OTUD5: variants seen among roughly 807,000 people sequenced by gnomAD.
The protein encoded by OTUD5 is OTU deubiquitinase 5.
OTUD5 carries 2 observed loss-of-function variants against 36.3 expected under a neutral mutation model. The observed-to-expected ratio is 0.06, with a 90% CI of 0.02 to 0.17. OTUD5 has a LOEUF of 0.17. OTUD5 is among the 10% of genes least tolerant of loss of function. The pLI is 1.00. For synonymous variants in OTUD5, 234 were observed against 214.9 expected, an observed-to-expected ratio of 1.09 and a Z score of -0.78; for missense variants, 233 against 512.3, an observed-to-expected ratio of 0.45 and a Z score of 5.26.
chrX:48,954,882 G>A (rs1246030676), intron 1 of OTUD5, among the ~76,000 whole-genome samples: 1 of 112,282 alleles, frequency 8.9e-6, no homozygotes, highest in African/African-American at 3.2e-5. Context: ...TCTTCTCATA[G>A]AAAGTAGGAG....
chrX:48,946,689 G>A (rs1035095359), intron 1 of OTUD5, among the ~76,000 whole-genome samples: 1 of 112,497 alleles, frequency 8.9e-6, no homozygotes, highest in Non-Finnish European at 1.9e-5. Context: ...GTCCATCCTG[G>A]CCACACATGG....
At chrX:48,939,211 C>T (rs2063878132) in intron 2 of OTUD5, among the ~76,000 whole-genome samples, 1 of 110,685 alleles carries the variant, frequency 9.0e-6, no homozygotes, top group African/African-American at 3.3e-5. Flanking sequence ...GATATTACCA[C>T]CTTCACCCCA....
upstream of OTUD5, chrX:48,957,624 G>A (rs1476527455): frequency 2.8e-3 from 2,235 of 802,559 alleles, 3 homozygotes; most frequent in Non-Finnish European, 3.2e-3. Context: ...CGCCGGGAGA[G>A]AACCCGGATG....
At chrX:48,925,243 A>C (rs1385010003) in intron 6 of OTUD5, among the ~76,000 whole-genome samples, 1 of 91,034 alleles carries the variant, frequency 1.1e-5, no homozygotes, top group Non-Finnish European at 2.1e-5. Context: ...GCGCCACTGC[A>C]CTCCAGCCTG....
intron 1 of OTUD5, among the ~76,000 whole-genome samples, chrX:48,952,281 T>C (rs1429796134): frequency 1.8e-5 from 2 of 111,667 alleles, no homozygotes; most frequent in African/African-American, 6.5e-5. Flanking sequence ...GAAAGTAGAT[T>C]AGTGGTTGCC....
intron 5 of OTUD5, among the ~76,000 whole-genome samples, chrX:48,926,293 A>G (rs1245369195): frequency 3.6e-5 from 4 of 110,020 alleles, no homozygotes; most frequent in African/African-American, 9.9e-5. Context: ...TAACCCCCAA[A>G]CCACCTCAAC....
chrX:48,945,199 C>T (rs2064002467), intron 1 of OTUD5, among the ~76,000 whole-genome samples: 2 of 108,765 alleles, frequency 1.8e-5, no homozygotes, highest in African/African-American at 6.7e-5. Flanking sequence ...CTGGTGTTAT[C>T]AGCGATTTTA....
chrX:48,947,749 T>C (rs1192773513), intron 1 of OTUD5, among the ~76,000 whole-genome samples: 1 of 109,123 alleles, frequency 9.2e-6, no homozygotes, highest in African/African-American at 3.3e-5. Flanking sequence ...TCATTAAGGC[T>C]AGCACCTGAG....
chrX:48,929,614 G>A (rs974490639), intron 5 of OTUD5, among the ~76,000 whole-genome samples: 2 of 108,217 alleles, frequency 1.8e-5, no homozygotes, highest in Non-Finnish European at 3.8e-5. Context: ...CCAGCTACTC[G>A]GGAGGCTGAG....
intron 2 of OTUD5, among the ~76,000 whole-genome samples, chrX:48,938,298 T>C (rs987196146): frequency 3.6e-5 from 4 of 111,323 alleles, no homozygotes; most frequent in Non-Finnish European, 5.7e-5. Flanking sequence ...AAAACAGCAA[T>C]AGTACTACCC....
chrX:48,939,107 GAC>G (rs782521171), intron 2 of OTUD5, among the ~76,000 whole-genome samples: 65 of 111,956 alleles, frequency 5.8e-4, no homozygotes, highest in Non-Finnish European at 4.0e-4. Context: ...TTACCCAGGA[GAC>G]ACAGAAATGT....
At chrX:48,957,859 G>A (rs1333483883), upstream of OTUD5, 61 of 735,334 alleles carry the variant, frequency 8.3e-5, no homozygotes, top group Non-Finnish European at 9.5e-5. Context: ...CAAGTTTATT[G>A]CTACGCTTGT....
At chrX:48,924,080 G>A (rs5906730) in intron 6 of OTUD5, 28 bp from the exon 7 acceptor site, 1 of 1,158,169 alleles carries the variant, frequency 8.6e-7, no homozygotes, top group Non-Finnish European at 1.2e-6. Flanking sequence ...AATGCGTTAA[G>A]GACCACCAGC....
chrX:48,957,749 CGGT>C (rs879956456), upstream of OTUD5: 59 of 782,819 alleles, frequency 7.5e-5, no homozygotes, highest in African/African-American at 2.4e-4. Context: ...GCGGCGGCGG[CGGT>C]GGCGGCGCGC....
rs1348595939 is a variant in OTUD5 at position 48,924,201 on chromosome X, A to G, written c.1264-149T>C. On this transcript the variant is annotated intron_variant, in intron 6 of 8. Coordinates refer to ENST00000376488, the MANE Select transcript of OTUD5 (RefSeq NM_001136157.2). The stretch of plus-strand genomic sequence containing the variant: ...ATCATCCCCACTCACACGGTGGACC[A>G]CAAGACTCCTCACAGGACAGAGGTG... 6 of 517,927 alleles carry G rather than the reference A, an allele frequency of 1.2e-5. No homozygotes were observed. In the African/African-American group the frequency reaches 1.2e-4, roughly 10 times the overall value. The allele number at this position is 517,927 out of a possible 1,213,427, so 42.7% of individuals were successfully genotyped here.
intron 1 of OTUD5, among the ~76,000 whole-genome samples, chrX:48,947,758 AGAG>A (rs1445432413): frequency 9.0e-6 from 1 of 110,918 alleles, no homozygotes; most frequent in Non-Finnish European, 1.9e-5. Flanking sequence ...CTAGCACCTG[AGAG>A]GAGGTGCCAC....
At chrX:48,935,056 A>G (rs1557049640) in intron 2 of OTUD5, 38 bp from the exon 3 acceptor site, 1 of 1,124,428 alleles carries the variant, frequency 8.9e-7, no homozygotes, top group South Asian at 1.8e-5. Flanking sequence ...AGGGTCAGAG[A>G]TGCCAGAGAA....
intron 1 of OTUD5, 152 bp downstream of exon 1, chrX:48,956,825 T>C (rs1182740030): frequency 5.3e-6 from 3 of 564,383 alleles, no homozygotes; most frequent in Non-Finnish European, 7.6e-6. Context: ...GGAAAGAAGG[T>C]GTCTCACATC....
chrX:48,931,797 AG>A (rs1391685027), intron 5 of OTUD5, among the ~76,000 whole-genome samples: 1 of 105,801 alleles, frequency 9.5e-6, no homozygotes, highest in East Asian at 2.9e-4. Context: ...AAAAAAAAAA[AG>A]TATTAATGTT....
Sources: allele counts gnomAD v4.1 joint callset (sites outside exome capture counted in the v4.1 genomes callset), GRCh38; gene constraint gnomAD v4.1.1; transcripts MANE v1.5; gene names NCBI Gene and HGNC (gene_info 2026-07-23, HGNC 2026-07-21).